FOXP2: variants seen among roughly 807,000 people sequenced by gnomAD.
FOXP2 encodes the protein forkhead box protein P2.
A neutral mutation model predicts 115.8 loss-of-function variants in FOXP2; 12 were observed. The ratio of observed to expected loss-of-function variants is 0.10; its 90% CI spans 0.07 to 0.17. FOXP2 has a LOEUF of 0.17. Among genes scored for constraint, FOXP2 ranks in the 10% least tolerant of loss-of-function variants. The probability of loss-of-function intolerance (pLI) is 1.00; values close to 1 mark genes in which losing one functional copy is unlikely to be tolerated. For synonymous variants in FOXP2, 328 were observed against 297.7 expected (o/e 1.10, Z -1.05); for missense variants, 629 against 843.5 (o/e 0.75, Z 3.15).
chr7:114,205,326 T>C (rs1199771156), intron 1 of FOXP2, among the ~76,000 whole-genome samples: 1 of 152,132 alleles, frequency 6.6e-6, no homozygotes, highest in Non-Finnish European at 1.5e-5. Context: ...GCCCAGTGTT[T>C]CCAAATACAC....
chr7:114,586,183 A>G (rs1009822689), intron 3 of FOXP2, among the ~76,000 whole-genome samples: 108 of 152,332 alleles, frequency 7.1e-4, no homozygotes, highest in Middle Eastern at 3.4e-3. Context: ...TGAATATCAG[A>G]TAGACACAAT....
chr7:114,416,278 G>A (rs1411860530), intron 1 of FOXP2: 1 of 151,942 alleles, frequency 6.6e-6, no homozygotes, highest in Non-Finnish European at 1.5e-5. Context: ...CAAGCTATGA[G>A]GGAAGATGAG....
chr7:114,663,355 G>A lies in FOXP2; in HGVS notation c.1770-95G>A. ...TACATCCAGTATGGACTATTAGTGT[G>A]AGACAAGCCAGAACATACCTTTATA... On this transcript the variant is annotated intron_variant, in intron 14 of 16. Transcript: ENST00000350908. The A allele has an allele frequency of 3.3e-6, 3 of 904,338 alleles. No individual in the cohort carries two copies. In the Middle Eastern group the frequency reaches 9.6e-4, roughly 289 times the overall value. The allele number at this position is 904,338 out of a possible 1,614,324, so 56.0% of individuals were successfully genotyped here.
intron 1 of FOXP2, among the ~76,000 whole-genome samples, chr7:114,258,291 G>A (rs1451443175): frequency 6.6e-6 from 1 of 152,144 alleles, no homozygotes; most frequent in African/African-American, 2.4e-5. Flanking sequence ...TGGGTTATGT[G>A]TCTTAATCCC....
chr7:114,327,602 A>C (rs1242865869), intron 2 of FOXP2, among the ~76,000 whole-genome samples: 1 of 151,574 alleles, frequency 6.6e-6, no homozygotes, highest in African/African-American at 2.4e-5. Flanking sequence ...CCCAGGTTCA[A>C]GCGATTCTCC....
chr7:114,489,747 T>C (rs1446598491), intron 2 of FOXP2, among the ~76,000 whole-genome samples: 3 of 152,128 alleles, frequency 2.0e-5, no homozygotes, highest in Non-Finnish European at 4.4e-5. Flanking sequence ...ATTTACCATC[T>C]GATTAAAATA....
intron 3 of FOXP2, among the ~76,000 whole-genome samples, chr7:114,549,619 T>G (rs986370601): frequency 6.6e-6 from 1 of 152,172 alleles, no homozygotes; most frequent in Non-Finnish European, 1.5e-5. Context: ...GTCATTGGTT[T>G]GGCCCTGAGA....
At chr7:114,495,413 T>A (rs1797259103) in intron 2 of FOXP2, among the ~76,000 whole-genome samples, 1 of 151,674 alleles carries the variant, frequency 6.6e-6, no homozygotes, top group Non-Finnish European at 1.5e-5. Context: ...AACCAAAAAA[T>A]TTTTCAGACT....
chr7:114,636,256 T>C lies in FOXP2; in HGVS notation c.775+4551T>C, dbSNP rs185369751. On this transcript the variant is annotated intron_variant, in intron 6 of 16. Transcript: ENST00000350908. Reference sequence around the variant, plus strand: ...AGGCTGGTAGGGAAGTTTACTTTTGTAATATATACCCTTTTCTGTGATTCA... The same window carrying C: ...AGGCTGGTAGGGAAGTTTACTTTTGCAATATATACCCTTTTCTGTGATTCA... 4.9e-4 allele frequency among the ~76,000 whole-genome samples: 75 copies of C among 152,278 alleles called. No individual in the cohort carries two copies. In the East Asian group the frequency reaches 0.014, roughly 29 times the overall value.
intron 2 of FOXP2, among the ~76,000 whole-genome samples, chr7:114,385,221 A>G (rs1044301630): frequency 4.6e-5 from 7 of 152,112 alleles, no homozygotes; most frequent in African/African-American, 1.7e-4. Context: ...CTAAGGACAT[A>G]GCATAGAGCC....
In FOXP2 at chr7:114,672,413, C is replaced by T. The variant is rs529676931; in HGVS notation, c.2003+7977C>T. ...CAGCCTGGCCAATGTGGCAAAACCCCGTCTCTACTAAAAATACAAAAATTA... is the reference window on the plus strand; with the variant it reads ...CAGCCTGGCCAATGTGGCAAAACCCTGTCTCTACTAAAAATACAAAAATTA... On this transcript the variant is annotated intron_variant, in intron 16 of 16. Transcript: ENST00000350908. Among the ~76,000 whole-genome samples the T allele has an allele frequency of 8.8e-4, 134 of 152,118 alleles. 2 individuals carry two copies. Among genetic ancestry groups the T allele is most frequent in the Admixed American group, 8.1e-3 (123 of 15,278 alleles).
intron 3 of FOXP2, among the ~76,000 whole-genome samples, chr7:114,571,490 T>A (rs1801300435): frequency 6.6e-6 from 1 of 151,840 alleles, no homozygotes; most frequent in Non-Finnish European, 1.5e-5. Flanking sequence ...CCTGCATTCT[T>A]AAGAAATCTT....
intron 1 of FOXP2, among the ~76,000 whole-genome samples, chr7:114,209,803 T>A (rs1794296473): frequency 6.6e-6 from 1 of 152,176 alleles, no homozygotes; most frequent in African/African-American, 2.4e-5. Flanking sequence ...CTTTACATAA[T>A]CCCATAGTTC....
At chr7:114,410,416 ATTG>A (rs1793135574), upstream of FOXP2, among the ~76,000 whole-genome samples, 1 of 152,088 alleles carries the variant, frequency 6.6e-6, no homozygotes, top group African/African-American at 2.4e-5. Context: ...AGACATAGAT[ATTG>A]TTTGACCCTG....
chr7:114,339,305 C>G (rs541720006), intron 2 of FOXP2, among the ~76,000 whole-genome samples: 125 of 151,138 alleles, frequency 8.3e-4, no homozygotes, highest in African/African-American at 2.9e-3. Flanking sequence ...CTTAGTGATT[C>G]CCTCTTTAGA....
chr7:114,582,034 G>C (rs1258274262), intron 3 of FOXP2, among the ~76,000 whole-genome samples: 40 of 152,150 alleles, frequency 2.6e-4, no homozygotes, highest in Admixed American at 2.6e-3. Context: ...ATGATAGAAT[G>C]GTGGCTTGAG....
intron 9 of FOXP2, chr7:114,653,406 G>A: frequency 5.9e-6 from 1 of 169,254 alleles, no homozygotes. Context: ...CCGTGGCAGA[G>A]TTCAGCGTTT....
chr7:114,171,826 T>G (rs569131604), intron 1 of FOXP2, among the ~76,000 whole-genome samples: 1 of 152,358 alleles, frequency 6.6e-6, no homozygotes, highest in South Asian at 2.1e-4. Context: ...AGATTTCTGA[T>G]GGCATTAAAA....
intron 1 of FOXP2, among the ~76,000 whole-genome samples, chr7:114,128,544 C>G (rs182283970): frequency 4.7e-4 from 70 of 149,732 alleles, no homozygotes; most frequent in Non-Finnish European, 7.7e-4. Context: ...AAACTTTATT[C>G]TTCTATTTAG....
Sources: gnomAD v4.1 joint callset for allele counts (sites outside exome capture counted in the v4.1 genomes callset) on GRCh38, gnomAD v4.1.1 for gene constraint, MANE v1.5 for transcripts, NCBI Gene and HGNC (gene_info 2026-07-23, HGNC 2026-07-21) for gene names.